Variants in GALNT18 observed in about 807,000 individuals in gnomAD.
GALNT18 encodes polypeptide N-acetylgalactosaminyltransferase 18, also known as GalNAc-transferase 18.
GALNT18 carries 44 observed loss-of-function variants against 69.5 expected under a neutral mutation model. The ratio of observed to expected loss-of-function variants is 0.63; its 90% confidence interval spans 0.50 to 0.81. GALNT18 has a LOEUF of 0.81. Among genes scored for constraint, GALNT18 ranks in the 40% least tolerant of loss-of-function variants. The pLI is 0.00. For synonymous variants in GALNT18, 364 were observed against 318.2 expected (o/e 1.14, Z -1.53); for missense variants, 715 against 810.0 (o/e 0.88, Z 1.42).
At position 11,469,178 on chromosome 11, in the gene GALNT18, T is replaced by C. The variant is rs1376654465; in HGVS notation, c.236-20242A>G. ...AGCCAAGAAAAGCAGTCTGAGTTGC[T>C]ATAAACATAAAGAAGCCCGTCTGCT... is the stretch of plus-strand genomic sequence containing the variant. On this transcript the variant is annotated intron_variant, in intron 1 of 10. Transcript: ENST00000227756. The surrounding 1 kb of genome is among the most constrained non-coding windows in gnomAD (Gnocchi z 4.2). Among the ~76,000 whole-genome samples, 2 of 152,200 alleles carry C rather than the reference T, an allele frequency of 1.3e-5. No individual in the cohort carries two copies. Among genetic ancestry groups the C allele is most frequent in the Non-Finnish European group, 2.9e-5 (2 of 68,032 alleles).
chr11:11,366,917 C>T (rs1462520113), intron 6 of GALNT18, among the ~76,000 whole-genome samples: 1 of 152,124 alleles, frequency 6.6e-6, no homozygotes, highest in Non-Finnish European at 1.5e-5. Flanking sequence ...CAGACTAGGA[C>T]AACAGAAAGA....
chr11:11,397,216 G>A (rs927393426), intron 3 of GALNT18, among the ~76,000 whole-genome samples: 3 of 152,194 alleles, frequency 2.0e-5, no homozygotes, highest in South Asian at 2.1e-4. Context: ...GAGGTGGAAT[G>A]TTGGGAACTG....
intron 1 of GALNT18, among the ~76,000 whole-genome samples, chr11:11,478,485 G>A (rs1390406327): frequency 2.0e-5 from 3 of 152,188 alleles, no homozygotes; most frequent in African/African-American, 7.2e-5. Flanking sequence ...CTGAGATGAA[G>A]CCGTCCTCAT....
At chr11:11,489,936 A>G (rs1187847330) in intron 1 of GALNT18, among the ~76,000 whole-genome samples, 1 of 152,102 alleles carries the variant, frequency 6.6e-6, no homozygotes, top group Non-Finnish European at 1.5e-5. Context: ...CAGGGGTCTG[A>G]CCACTACTCT....
At chr11:11,438,858 G>A (rs1293651944) in intron 2 of GALNT18, among the ~76,000 whole-genome samples, 1 of 152,186 alleles carries the variant, frequency 6.6e-6, no homozygotes, top group Non-Finnish European at 1.5e-5. Flanking sequence ...AGTCTTTGAA[G>A]CCCAACATGG....
At chr11:11,336,086 G>A (rs1252321811) in intron 7 of GALNT18, among the ~76,000 whole-genome samples, 1 of 152,190 alleles carries the variant, frequency 6.6e-6, no homozygotes, top group Non-Finnish European at 1.5e-5. Flanking sequence ...TTAAAGGAGG[G>A]CTATCACTGA....
At chr11:11,370,301 G>T (rs1262835537) in intron 6 of GALNT18, among the ~76,000 whole-genome samples, 2 of 152,130 alleles carry the variant, frequency 1.3e-5, no homozygotes, top group Non-Finnish European at 2.9e-5. Flanking sequence ...GTGTAATTAG[G>T]GCAAGTGTGC....
intron 9 of GALNT18, among the ~76,000 whole-genome samples, chr11:11,308,496 C>T (rs1313234655): frequency 6.6e-6 from 1 of 152,086 alleles, no homozygotes; most frequent in East Asian, 1.9e-4. Flanking sequence ...TTATCAAACC[C>T]CCAGTATCAT....
Position 11,492,411 on chromosome 11 carries a change from G to A in GALNT18, c.236-43475C>T, listed in dbSNP as rs1856789719. 2.6e-5 allele frequency among the ~76,000 whole-genome samples: 4 copies of A among 152,328 alleles called. No individual in the cohort carries two copies. In the South Asian group the frequency reaches 8.3e-4, roughly 32 times the overall value. On this transcript the variant is annotated intron_variant, in intron 1 of 10. Transcript: ENST00000227756. ...ATGCTGCTAACACAGGGAAGAACTG[G>A]CTCAAGCCACAACAGAGAAAAGCAC...
chr11:11,530,424 T>C (rs943424905), intron 1 of GALNT18, among the ~76,000 whole-genome samples: 39 of 152,300 alleles, frequency 2.6e-4, no homozygotes, highest in African/African-American at 8.7e-4. Context: ...CAACTGGACC[T>C]GAATCCACAC....
Position 11,605,149 on chromosome 11 carries a change from A to T in GALNT18, c.235+16210T>A, listed in dbSNP as rs1859718312. ...TCCCGACAGGCAGAGTCTGAGGAGG[A>T]ACTTTTACTGTGTCCGTTTCCTGTC... On this transcript the variant is annotated intron_variant, in intron 1 of 10. Coordinates refer to ENST00000227756, the MANE Select transcript of GALNT18 (RefSeq NM_198516.3). This position sits in a 1 kb window ranked among gnomAD's most constrained non-coding sequence, Gnocchi z 4.7. 6.6e-6 allele frequency among the ~76,000 whole-genome samples: 1 copy of T among 152,064 alleles called. No individual in the cohort carries two copies. Among genetic ancestry groups the T allele is most frequent in the African/African-American group, 2.4e-5 (1 of 41,384 alleles).
chr11:11,365,915 T>A (rs1157859766), intron 6 of GALNT18, among the ~76,000 whole-genome samples: 4 of 152,334 alleles, frequency 2.6e-5, no homozygotes, highest in South Asian at 2.1e-4. Context: ...ATATGATCTG[T>A]CACTGTCCCC....
At chr11:11,410,931 C>A (rs949795861) in intron 3 of GALNT18, among the ~76,000 whole-genome samples, 1 of 152,202 alleles carries the variant, frequency 6.6e-6, no homozygotes. Context: ...TCCAAGACAG[C>A]CTCCTGCTAG....
rs1433428425 is a variant in GALNT18 at position 11,338,752 on chromosome 11, G to A, written c.1278+2067C>T. Among the ~76,000 whole-genome samples the A allele has an allele frequency of 1.3e-5, 2 of 152,168 alleles. No homozygotes were observed. The highest frequency in any genetic ancestry group is 1.3e-4 in the Admixed American group (2 of 15,280). The stretch of plus-strand genomic sequence containing the variant: ...GCATATGGGTGGGAGTCCAATGCAA[G>A]AGTAGATGATATTACCCAGGGAGAT... On this transcript the variant is annotated intron_variant, in intron 7 of 10. Coordinates refer to ENST00000227756, the MANE Select transcript of GALNT18 (RefSeq NM_198516.3). This position sits in a 1 kb window ranked among gnomAD's most constrained non-coding sequence, Gnocchi z 5.3.
At position 11,521,487 on chromosome 11, in the gene GALNT18, G is replaced by A. The variant is rs138369069; in HGVS notation, c.236-72551C>T. ...TGACTTGCTCTCCAGTTCTCGGGAC[G>A]CTGCAGGCCTTGTGAAGAGCCAAAC... On this transcript the variant is annotated intron_variant, in intron 1 of 10. Coordinates refer to ENST00000227756, the MANE Select transcript of GALNT18 (RefSeq NM_198516.3). Among the ~76,000 whole-genome samples the A allele has an allele frequency of 2.4e-3, 359 of 152,108 alleles. 1 individual carries two copies. The highest frequency in any genetic ancestry group is 7.9e-3 in the African/African-American group (328 of 41,484).
intron 1 of GALNT18, among the ~76,000 whole-genome samples, chr11:11,467,228 C>A (rs1856173007): frequency 6.6e-6 from 1 of 152,170 alleles, no homozygotes; most frequent in Admixed American, 6.5e-5. Flanking sequence ...ACGCAGAAGC[C>A]ACACTGAGGA....
rs545827121 is a variant in GALNT18, at chr11:11,432,456, G to A, written c.595+165C>T. On this transcript the variant is annotated intron_variant, in intron 3 of 10. Transcript: ENST00000227756. The surrounding 1 kb of genome is among the most constrained non-coding windows in gnomAD (Gnocchi z 5.8). ...TGGGATGCAGAGGCCATGCTCAGACGGAGTGAACCTTCTGAAGCAGTGGCC... is the reference window on the plus strand; with the variant it reads ...TGGGATGCAGAGGCCATGCTCAGACAGAGTGAACCTTCTGAAGCAGTGGCC... Among the ~76,000 whole-genome samples, 2 of 152,306 alleles carry A rather than the reference G, an allele frequency of 1.3e-5. No homozygotes were observed. The highest frequency in any genetic ancestry group is 4.8e-5 in the African/African-American group (2 of 41,564).
chr11:11,513,705 C>T (rs1474898985), intron 1 of GALNT18, among the ~76,000 whole-genome samples: 2 of 152,224 alleles, frequency 1.3e-5, no homozygotes, highest in African/African-American at 4.8e-5. Flanking sequence ...CAGTTTATTT[C>T]CCGGGACGTT....
rs1856498262 is a variant in GALNT18 at position 11,480,310 on chromosome 11, A to C, written c.236-31374T>G. The stretch of plus-strand genomic sequence containing the variant: ...CTCGCCCCAACCTCAGTCATATCCC[A>C]ATAACTGACCCTCAGTCTCTGTTAT... On this transcript the variant is annotated intron_variant, in intron 1 of 10. Coordinates refer to ENST00000227756, the MANE Select transcript of GALNT18 (RefSeq NM_198516.3). The surrounding 1 kb of genome is among the most constrained non-coding windows in gnomAD (Gnocchi z 4.6). Among the ~76,000 whole-genome samples the C allele has an allele frequency of 6.6e-6, 1 of 151,470 alleles. No homozygotes were observed. Among genetic ancestry groups the C allele is most frequent in the Non-Finnish European group, 1.5e-5 (1 of 67,886 alleles).
Sources: gnomAD v4.1 joint callset for allele counts (sites outside exome capture counted in the v4.1 genomes callset) on GRCh38, gnomAD v4.1.1 for gene constraint, Gnocchi (gnomAD v3.1) non-coding constraint, MANE v1.5 for transcripts, NCBI Gene and HGNC (gene_info 2026-07-23, HGNC 2026-07-21) for gene names.